Variants in LRRK2 observed in about 807,000 individuals in gnomAD.
LRRK2 encodes leucine rich repeat kinase 2.
A neutral mutation model predicts 302.6 loss-of-function variants in LRRK2; 203 were observed. That is an observed-to-expected ratio of 0.67 (90% CI 0.60 to 0.75). LRRK2 has a LOEUF of 0.75. Ranked by LOEUF, LRRK2 falls within the 30% of genes least tolerant of loss-of-function variation. The pLI is 0.00. For synonymous variants in LRRK2, 1,066 were observed against 1,031.9 expected, an observed-to-expected ratio of 1.03 and a Z score of -0.63; for missense variants, 2,830 against 2,951.0, an observed-to-expected ratio of 0.96 and a Z score of 0.95.
At chr12:40,236,518 G>T (rs1182311366) in intron 4 of LRRK2, among the ~76,000 whole-genome samples, 1 of 152,172 alleles carries the variant, frequency 6.6e-6, no homozygotes, top group Non-Finnish European at 1.5e-5. Context: ...ATTATATAAG[G>T]TTCCGAGAAG....
intron 2 of LRRK2, among the ~76,000 whole-genome samples, chr12:40,226,952 TC>T (rs144635285): frequency 0.017 from 2,560 of 152,250 alleles, 40 homozygotes; most frequent in Non-Finnish European, 0.025. Flanking sequence ...GACAGTCAGA[TC>T]CTGGGTAGGC....
At chr12:40,296,098 C>T (rs541138894) in intron 23 of LRRK2, among the ~76,000 whole-genome samples, 1 of 152,228 alleles carries the variant, frequency 6.6e-6, no homozygotes, top group African/African-American at 2.4e-5. Flanking sequence ...AGAGATTCAA[C>T]TAAATGATTA....
intron 38 of LRRK2, among the ~76,000 whole-genome samples, chr12:40,326,122 C>G (rs1200277477): frequency 6.6e-6 from 1 of 152,132 alleles, no homozygotes; most frequent in African/African-American, 2.4e-5. Flanking sequence ...ACAATCCATA[C>G]TCCATATTAA....
rs553243266 is a variant in LRRK2 at position 40,333,494 on chromosome 12, C to A, written c.5758-1473C>A. Reference sequence around the variant, plus strand: ...GTAAAGTGCAATATACAGTATAAAGCGAATCTGGAATTCAAGCCCAACAAT... The same window carrying A: ...GTAAAGTGCAATATACAGTATAAAGAGAATCTGGAATTCAAGCCCAACAAT... On this transcript the variant is annotated intron_variant, in intron 39 of 50. Transcript: ENST00000298910. 3.9e-5 allele frequency among the ~76,000 whole-genome samples: 6 copies of A among 152,118 alleles called. No homozygotes were observed. In the South Asian group the frequency reaches 1.2e-3, roughly 32 times the overall value.
At chr12:40,311,498 C>T (rs1945036936) in intron 31 of LRRK2, among the ~76,000 whole-genome samples, 1 of 152,110 alleles carries the variant, frequency 6.6e-6, no homozygotes. Context: ...AGCTCAATAG[C>T]ACTAATGATC....
rs533967794 is a variant in LRRK2 at position 40,277,993 on chromosome 12, A to G, written c.2047A>G (p.Ile683Val). The G allele has an allele frequency of 1.9e-6, 3 of 1,613,774 alleles. No homozygotes were observed. The highest frequency in any genetic ancestry group is 2.2e-5 in the South Asian group (2 of 91,080). The change falls in exon 17 of 51, where the codon ATC (isoleucine) becomes GTC (valine). Residue 683 changes from isoleucine (I) to valine (V), a missense_variant. This residue lies in a region of LRRK2 where 2,121 missense variants were observed against 2,148.0 expected (regional missense o/e 0.99). Coordinates refer to ENST00000298910, the MANE Select transcript of LRRK2 (RefSeq NM_198578.4). ...LVIFHQMSSN[I>V]MEQKDQQFLN... The stretch of plus-strand genomic sequence containing the variant: ...AATATTCCATCAAATGTCTTCCAAT[A>G]TCATGGAACAAAAGGATCAACAGGT...
chr12:40,261,132 G>A (rs1200433243), intron 13 of LRRK2, among the ~76,000 whole-genome samples: 2 of 152,042 alleles, frequency 1.3e-5, no homozygotes, highest in Non-Finnish European at 2.9e-5. Context: ...GTTTTGAGAC[G>A]TAATGTAACA....
At position 40,367,783 on chromosome 12, in the gene LRRK2, T is replaced by G. The variant is rs1275642895; in HGVS notation, c.*18T>G. The G allele has an allele frequency of 4.4e-6, 7 of 1,599,834 alleles. No homozygotes were observed. Among genetic ancestry groups the G allele is most frequent in the Non-Finnish European group, 6.0e-6 (7 of 1,171,916 alleles). On this transcript the variant is annotated 3_prime_UTR_variant, in exon 51 of 51. Transcript: ENST00000298910. The stretch of plus-strand genomic sequence containing the variant: ...TTGAGTAAGAGAGAAATAGGAATTG[T>G]CTTTGGATAGGAAAATTATTCTCTC...
Position 40,335,169 on chromosome 12 carries a change from A to C in LRRK2, c.5948+12A>C. The C allele has an allele frequency of 6.2e-7, 1 of 1,613,844 alleles. No homozygotes were observed. Among genetic ancestry groups the C allele is most frequent in the South Asian group, 1.1e-5 (1 of 91,050 alleles). On this transcript the variant is annotated intron_variant, in intron 40 of 50. Transcript: ENST00000298910. ...GCTGATGGTTTGAGGTAAGTAGGTC[A>C]TGTTGTTTTCTATTCAGTGCATGAC...
rs772011397 is a variant in LRRK2 at position 40,328,923 on chromosome 12, G to A, written c.5757+463G>A. Among the ~76,000 whole-genome samples the A allele has an allele frequency of 7.2e-5, 11 of 152,124 alleles. 1 individual carries two copies. Among genetic ancestry groups the A allele is most frequent in the Admixed American group, 2.6e-4 (4 of 15,276 alleles). On this transcript the variant is annotated intron_variant, in intron 39 of 50. Coordinates refer to ENST00000298910, the MANE Select transcript of LRRK2 (RefSeq NM_198578.4). ...TGAAGCCTAGCAAGCTCCTGACTTC[G>A]CCTTCTGTTTTCTTCAGAGTATTTA...
rs149928389 is a variant in LRRK2 at position 40,265,414 on chromosome 12, G to C, written c.1656+1513G>C. 4.2e-3 allele frequency among the ~76,000 whole-genome samples: 634 copies of C among 152,280 alleles called. 1 individual carries two copies. The highest frequency in any genetic ancestry group is 0.014 in the African/African-American group (583 of 41,574). ...AAAAAGAATATTTTGCAAGTTAAGT[G>C]AGGAATAGACACTTATACCCTGACA... On this transcript the variant is annotated intron_variant, in intron 14 of 50. Coordinates refer to ENST00000298910, the MANE Select transcript of LRRK2 (RefSeq NM_198578.4).
intron 20 of LRRK2, among the ~76,000 whole-genome samples, chr12:40,287,794 G>A (rs997431374): frequency 1.3e-5 from 2 of 151,822 alleles, no homozygotes; most frequent in Admixed American, 6.6e-5. Flanking sequence ...AGACTGGAAC[G>A]AGATTCCACG....
chr12:40,321,162 T>C lies in LRRK2; in HGVS notation c.5144T>C (p.Ile1715Thr). 1 of 1,612,486 alleles carries C rather than the reference T, an allele frequency of 6.2e-7. No homozygotes were observed. The highest frequency in any genetic ancestry group is 8.5e-7 in the Non-Finnish European group (1 of 1,178,804). Residue 1715 changes from isoleucine (I) to threonine (T), a missense_variant, in exon 35 of 51, where the codon ATT becomes ACT. This residue lies in a region of LRRK2 where 2,121 missense variants were observed against 2,148.0 expected (regional missense o/e 0.99). Transcript: ENST00000298910. The stretch of plus-strand genomic sequence containing the variant: ...AGATTAATCAATCGATTACTTGAGA[T>C]TTCACCTTACATGCTTTCAGGGAGA... Reference protein sequence around the residue: ...WSRLINRLLEISPYMLSGRER... With the variant: ...WSRLINRLLETSPYMLSGRER...
chr12:40,275,220 C>T (rs1295953920), intron 16 of LRRK2, among the ~76,000 whole-genome samples: 1 of 152,206 alleles, frequency 6.6e-6, no homozygotes, highest in African/African-American at 2.4e-5. Context: ...CACCATTTAT[C>T]TTGCCCATAA....
chr12:40,355,061 T>A (rs1356810136), intron 45 of LRRK2, among the ~76,000 whole-genome samples: 1 of 152,176 alleles, frequency 6.6e-6, no homozygotes, highest in Non-Finnish European at 1.5e-5. Flanking sequence ...ACTGTAATAT[T>A]TGGGGCAGGA....
chr12:40,356,820 A>G (rs1213080270), intron 46 of LRRK2, among the ~76,000 whole-genome samples: 2 of 152,170 alleles, frequency 1.3e-5, no homozygotes, highest in African/African-American at 4.8e-5. Context: ...AAATTTTTTT[A>G]TGTATAATAT....
rs1425401647 is a variant in LRRK2 at position 40,348,391 on chromosome 12, T to A, written c.6281-18T>A. 10 of 1,505,286 alleles carry A rather than the reference T, an allele frequency of 6.6e-6. No homozygotes were observed. Among genetic ancestry groups the A allele is most frequent in the African/African-American group, 5.5e-5 (4 of 73,126 alleles). The allele number at this position is 1,505,286 out of a possible 1,614,324, so 93.2% of individuals were successfully genotyped here. ...TTACTTATTTAGTATGCTAGCATGA[T>A]GTTTTTTAATGTTTTAGATCCAGTT... On this transcript the variant is annotated intron_variant, in intron 42 of 50. Coordinates refer to ENST00000298910, the MANE Select transcript of LRRK2 (RefSeq NM_198578.4).
At position 40,265,806 on chromosome 12, in the gene LRRK2, A is replaced by G. The variant is rs17490858; in HGVS notation, c.1656+1905A>G. 6.8e-3 allele frequency among the ~76,000 whole-genome samples: 1,030 copies of G among 152,308 alleles called. 12 individuals are homozygous for G. The highest frequency in any genetic ancestry group is 0.024 in the African/African-American group (983 of 41,562). The stretch of plus-strand genomic sequence containing the variant: ...ATGGTACTGGTACCAAAAAAGAGAT[A>G]TAGGCCAATGGAACAGAACAGAGCC... On this transcript the variant is annotated intron_variant, in intron 14 of 50. Transcript: ENST00000298910.
chr12:40,354,140 C>T lies in LRRK2; in HGVS notation c.6577-159C>T, dbSNP rs546826810. ...GGCAAAACTTGTCTGCCAATTAACT[C>T]ATTTATTGCTGAAAATTAAATAAAA... On this transcript the variant is annotated intron_variant, in intron 44 of 50. Transcript: ENST00000298910. Among the ~76,000 whole-genome samples the T allele has an allele frequency of 5.3e-5, 8 of 152,320 alleles. No individual in the cohort carries two copies. In the South Asian group the frequency reaches 6.2e-4, roughly 12 times the overall value.
Sources: allele counts gnomAD v4.1 joint callset (sites outside exome capture counted in the v4.1 genomes callset), GRCh38; gene constraint gnomAD v4.1.1; regional missense constraint gnomAD v4.1.1; transcripts MANE v1.5; gene names NCBI Gene and HGNC (gene_info 2026-07-23, HGNC 2026-07-21).